The following ABTB2 variants were observed in gnomAD, a reference collection of about 807,000 sequenced individuals.
ABTB2 encodes ankyrin repeat and BTB domain containing 2.
Under a neutral mutation model 104.1 loss-of-function variants are expected in ABTB2, and 56 were observed. That is an observed-to-expected ratio of 0.54 (90% CI 0.43 to 0.67). The LOEUF (loss-of-function observed/expected upper bound fraction) is 0.67. Ranked by LOEUF, ABTB2 falls within the 30% of genes least tolerant of loss-of-function variation. The probability of loss-of-function intolerance (pLI) is 0.00; values close to 1 mark genes in which losing one functional copy is unlikely to be tolerated. For synonymous variants in ABTB2, 606 were observed against 608.2 expected (o/e 1.00, Z 0.05); for missense variants, 1,279 against 1,407.7 (o/e 0.91, Z 1.46).
At chr11:34,169,651 G>A (rs59698692) in intron 5 of ABTB2, among the ~76,000 whole-genome samples, 55,121 of 151,970 alleles carry the variant, frequency 0.36, 11,028 homozygotes, top group Non-Finnish European at 0.47. Context: ...CTGTGTGGAC[G>A]GAGAGGCCCC....
chr11:34,268,114 G>T (rs964686251), intron 1 of ABTB2, among the ~76,000 whole-genome samples: 2 of 151,634 alleles, frequency 1.3e-5, no homozygotes, highest in African/African-American at 4.8e-5. Context: ...AATTTTTTTT[G>T]GAGAAACAGG....
chr11:34,258,613 T>G lies in ABTB2; in HGVS notation c.884-53923A>C, dbSNP rs12296085. Among the ~76,000 whole-genome samples, 18 of 139,006 alleles carry G rather than the reference T, an allele frequency of 1.3e-4. 1 individual carries two copies. The highest frequency in any genetic ancestry group is 4.2e-4 in the African/African-American group (14 of 33,558). 91.2% of individuals were successfully genotyped at this position (139,006 alleles called of 152,430 possible). A position where few individuals can be genotyped will look rare whatever the true frequency, so the allele number is the denominator to read the frequency against. On this transcript the variant is annotated intron_variant, in intron 1 of 16. Transcript: ENST00000435224. ...CTACAGAAGTGCCTGCTCTTTTTTT[T>G]TTTTTTTTTTTTTTTGAGACGGAGT...
At chr11:34,194,956 T>C (rs1853230937) in intron 3 of ABTB2, among the ~76,000 whole-genome samples, 1 of 151,890 alleles carries the variant, frequency 6.6e-6, no homozygotes, top group Non-Finnish European at 1.5e-5. Context: ...GCTCAGCTAT[T>C]ATAACCACAT....
intron 1 of ABTB2, among the ~76,000 whole-genome samples, chr11:34,213,753 C>T (rs922908517): frequency 2.6e-5 from 4 of 152,098 alleles, no homozygotes; most frequent in Admixed American, 6.5e-5. Context: ...GCCAGTGTAA[C>T]CAAGCAGATC....
At chr11:34,220,189 A>G (rs1398541690) in intron 1 of ABTB2, among the ~76,000 whole-genome samples, 1 of 152,226 alleles carries the variant, frequency 6.6e-6, no homozygotes, top group East Asian at 1.9e-4. Flanking sequence ...GGAGGACACT[A>G]TGATCTTTCC....
intron 1 of ABTB2, among the ~76,000 whole-genome samples, chr11:34,215,834 C>T (rs1345045730): frequency 6.6e-6 from 1 of 151,952 alleles, no homozygotes; most frequent in Non-Finnish European, 1.5e-5. Flanking sequence ...GGCTTCAAGA[C>T]AAAGAAGTCA....
intron 1 of ABTB2, among the ~76,000 whole-genome samples, chr11:34,291,588 C>T (rs11032600): frequency 0.17 from 25,499 of 151,688 alleles, 2,326 homozygotes; most frequent in South Asian, 0.28. Flanking sequence ...TTCTGCCTCC[C>T]GGGTTCAAGC....
intron 1 of ABTB2, among the ~76,000 whole-genome samples, chr11:34,272,976 G>A (rs1220406007): frequency 1.3e-5 from 2 of 151,810 alleles, no homozygotes; most frequent in African/African-American, 4.8e-5. Flanking sequence ...ATCTGTAAAA[G>A]GGAAACAACA....
In ABTB2 at chr11:34,160,004, T is replaced by G; in HGVS notation, c.2508A>C (p.Pro836=). The G allele has an allele frequency of 6.2e-7, 1 of 1,612,680 alleles. No individual in the cohort carries two copies. The highest frequency in any genetic ancestry group is 8.5e-7 in the Non-Finnish European group (1 of 1,179,066). ...IRKTLPARLD[P]HFLNNKEMSD... is the part of the protein sequence containing the mutation. ...ACATCTCCTTATTGTTCAAAAAGTG[T>G]GGATCTGTGAAAAGCGGGGAGACAG... Residue 836 remains proline (P), a synonymous_variant, in exon 13 of 17, where the codon CCA becomes CCC. Transcript: ENST00000435224.
intron 1 of ABTB2, among the ~76,000 whole-genome samples, chr11:34,277,490 A>C (rs1287387994): frequency 1.3e-5 from 2 of 150,922 alleles, no homozygotes; most frequent in Admixed American, 6.6e-5. Context: ...AAAAAAAAAA[A>C]CAAACAGATT....
intron 3 of ABTB2, among the ~76,000 whole-genome samples, chr11:34,174,273 T>C (rs575502505): frequency 2.0e-3 from 282 of 141,016 alleles, no homozygotes; most frequent in African/African-American, 7.4e-3. Context: ...TGCAGTGAGC[T>C]GAGATCGCGC....
intron 1 of ABTB2, among the ~76,000 whole-genome samples, chr11:34,205,622 A>G (rs1253939132): frequency 6.6e-6 from 1 of 151,848 alleles, no homozygotes; most frequent in Non-Finnish European, 1.5e-5. Context: ...TTCTTTTTTA[A>G]AGAAAAATAC....
chr11:34,155,433 G>A (rs941245308), intron 14 of ABTB2, among the ~76,000 whole-genome samples: 1 of 152,260 alleles, frequency 6.6e-6, no homozygotes, highest in Non-Finnish European at 1.5e-5. Context: ...GTCCAGGACC[G>A]GGAACGATTT....
At chr11:34,210,277 T>C (rs570041012) in intron 1 of ABTB2, among the ~76,000 whole-genome samples, 1 of 152,328 alleles carries the variant, frequency 6.6e-6, no homozygotes, top group East Asian at 1.9e-4. Flanking sequence ...CTCTGACCCC[T>C]ATGTGTGCGA....
chr11:34,161,116 C>T (rs772896450), intron 10 of ABTB2, 35 bp from the exon 11 acceptor site: 3 of 1,568,136 alleles, frequency 1.9e-6, no homozygotes, highest in African/African-American at 2.7e-5. Context: ...CAGTCACGCA[C>T]CACAGCTGAG....
At chr11:34,172,395 A>AATATATAT (rs71037402) in intron 4 of ABTB2, among the ~76,000 whole-genome samples, 146 of 29,026 alleles carry the variant, frequency 5.0e-3, no homozygotes, top group African/African-American at 0.012. Context: ...AAAAAAAAAA[A>AATATATAT]ATATATATAT....
At chr11:34,234,776 G>A (rs2611101) in intron 1 of ABTB2, among the ~76,000 whole-genome samples, 2,589 of 152,224 alleles carry the variant, frequency 0.017, 74 homozygotes, top group African/African-American at 0.06. Context: ...TCAGAGACTG[G>A]GAATCCCAGT....
At chr11:34,335,634 C>A (rs1855184991) in intron 1 of ABTB2, 1 of 1,485,972 alleles carries the variant, frequency 6.7e-7, no homozygotes, top group Admixed American at 1.7e-5. Context: ...CATCATTACC[C>A]TGAAATTCAT....
intron 1 of ABTB2, among the ~76,000 whole-genome samples, chr11:34,287,421 C>T (rs752756950): frequency 1.3e-5 from 2 of 151,996 alleles, no homozygotes; most frequent in African/African-American, 2.4e-5. Context: ...TAATGATGTG[C>T]GCCTGTAGTC....
Sources: gnomAD v4.1 joint callset for allele counts (sites outside exome capture counted in the v4.1 genomes callset) on GRCh38, gnomAD v4.1.1 for gene constraint, MANE v1.5 for transcripts, NCBI Gene and HGNC (gene_info 2026-07-23, HGNC 2026-07-21) for gene names.